The following SLC24A2 variants were observed in gnomAD, a reference collection of about 807,000 sequenced individuals.
SLC24A2 encodes solute carrier family 24 member 2, also known as sodium/potassium/calcium exchanger 2.
In SLC24A2, 36 loss-of-function variants were observed where a neutral mutation model predicts 62.0. The ratio of observed to expected loss-of-function variants is 0.58; its 90% CI spans 0.44 to 0.77. The LOEUF is 0.77. SLC24A2 is among the 30% of genes least tolerant of loss of function. The pLI is 0.00. For missense variants in SLC24A2, 846 were observed against 817.9 expected, an observed-to-expected ratio of 1.03 and a Z score of -0.42; for synonymous variants, 358 against 294.0, an observed-to-expected ratio of 1.22 and a Z score of -2.23.
the SLC24A2 span, among the ~76,000 whole-genome samples, chr9:19,850,513 C>T: frequency 2.1e-4 from 32 of 152,108 alleles, 1 homozygote; most frequent in South Asian, 4.8e-3. Flanking sequence ...TTAAAGTGTA[C>T]AATTCAATGA....
chr9:19,859,644 G>A, the SLC24A2 span, among the ~76,000 whole-genome samples: 1 of 152,184 alleles, frequency 6.6e-6, no homozygotes, highest in Non-Finnish European at 1.5e-5. Context: ...AATCAGGTGA[G>A]CACTCACAAT....
At chr9:19,728,562 T>TA (rs1463604903) in intron 2 of SLC24A2, among the ~76,000 whole-genome samples, 2 of 152,174 alleles carry the variant, frequency 1.3e-5, no homozygotes, top group Non-Finnish European at 2.9e-5. Flanking sequence ...GTCACACCTG[T>TA]AGTGATTATA....
chr9:19,875,415 G>A, the SLC24A2 span, among the ~76,000 whole-genome samples: 3 of 152,202 alleles, frequency 2.0e-5, no homozygotes, highest in African/African-American at 7.2e-5. Context: ...GGTTGGCAGA[G>A]TCTCTAACTG....
intron 7 of SLC24A2, among the ~76,000 whole-genome samples, chr9:19,572,299 T>A (rs1442999749): frequency 2.7e-5 from 4 of 147,080 alleles, no homozygotes; most frequent in Non-Finnish European, 6.0e-5. Flanking sequence ...TACTAATGCC[T>A]ACACCTTCAG....
chr9:20,071,096 C>G, the SLC24A2 span, among the ~76,000 whole-genome samples: 1 of 152,206 alleles, frequency 6.6e-6, no homozygotes, highest in Admixed American at 6.5e-5. Flanking sequence ...ATCTCACTCC[C>G]TCCTTGCCTT....
the SLC24A2 span, among the ~76,000 whole-genome samples, chr9:20,267,098 A>C: frequency 6.6e-6 from 1 of 152,150 alleles, no homozygotes; most frequent in South Asian, 2.1e-4. Flanking sequence ...CTGACAAAAC[A>C]AAAATTATCA....
intron 2 of SLC24A2, among the ~76,000 whole-genome samples, chr9:19,711,133 T>A (rs1308238258): frequency 1.3e-5 from 2 of 152,212 alleles, no homozygotes; most frequent in African/African-American, 4.8e-5. Context: ...GCATTTCTAT[T>A]TGAGGGGTCT....
chr9:20,062,229 G>C, the SLC24A2 span, among the ~76,000 whole-genome samples: 1 of 151,986 alleles, frequency 6.6e-6, no homozygotes, highest in Non-Finnish European at 1.5e-5. Flanking sequence ...ACCTTCTCTC[G>C]AAACAATAAA....
chr9:19,875,808 C>A, the SLC24A2 span, among the ~76,000 whole-genome samples: 2 of 152,124 alleles, frequency 1.3e-5, no homozygotes, highest in South Asian at 4.1e-4. Flanking sequence ...GAATCTGGGG[C>A]TAGATCATGT....
Position 19,681,340 on chromosome 9 carries a change from T to C in SLC24A2, c.931-59041A>G, listed in dbSNP as rs561165579. The stretch of plus-strand genomic sequence containing the variant: ...GGAAGGCTTTCTCCGGTCCACCTTA[T>C]TTAAAATTGCAACCTCTCTGCACCG... On this transcript the variant is annotated intron_variant, in intron 2 of 10. Coordinates refer to ENST00000341998, the MANE Select transcript of SLC24A2 (RefSeq NM_020344.4). 3.3e-5 allele frequency among the ~76,000 whole-genome samples: 5 copies of C among 152,318 alleles called. No homozygotes were observed. The East Asian group carries it at 9.7e-4, about 29-fold the overall frequency.
At chr9:20,198,193 A>T in the SLC24A2 span, among the ~76,000 whole-genome samples, 1 of 152,192 alleles carries the variant, frequency 6.6e-6, no homozygotes. Flanking sequence ...AATTTGGGGA[A>T]AGGATGAGTT....
chr9:19,956,147 G>A, the SLC24A2 span, among the ~76,000 whole-genome samples: 6 of 152,228 alleles, frequency 3.9e-5, no homozygotes, highest in Admixed American at 1.3e-4. Context: ...TACGCTCTAC[G>A]TTTAGCTTTT....
chr9:20,062,383 C>A, the SLC24A2 span, among the ~76,000 whole-genome samples: 5 of 103,666 alleles, frequency 4.8e-5, no homozygotes, highest in African/African-American at 1.4e-4. Context: ...GAAAAACAAG[C>A]AATGGGGAAA....
chr9:19,722,222 G>A (rs557336926), intron 2 of SLC24A2, among the ~76,000 whole-genome samples: 1 of 152,204 alleles, frequency 6.6e-6, no homozygotes, highest in East Asian at 1.9e-4. Flanking sequence ...CTGGATTTCA[G>A]AATGCTGAAA....
chr9:19,992,512 G>C, the SLC24A2 span, among the ~76,000 whole-genome samples: 1 of 152,114 alleles, frequency 6.6e-6, no homozygotes, highest in Non-Finnish European at 1.5e-5. Context: ...ATTCAAATTG[G>C]CTAGTCTTTG....
At chr9:19,586,724 G>A (rs1487457942) in intron 5 of SLC24A2, among the ~76,000 whole-genome samples, 6 of 152,100 alleles carry the variant, frequency 3.9e-5, no homozygotes, top group East Asian at 3.8e-4. Flanking sequence ...GATCGTGGCC[G>A]TTTCTGACAG....
At chr9:19,844,305 G>A in the SLC24A2 span, among the ~76,000 whole-genome samples, 2 of 152,112 alleles carry the variant, frequency 1.3e-5, no homozygotes, top group Non-Finnish European at 2.9e-5. Flanking sequence ...TTTGTTGGCT[G>A]CTTGGATGTC....
intron 1 of SLC24A2, chr9:19,788,428 A>G: frequency 7.3e-6 from 6 of 826,312 alleles, no homozygotes; most frequent in Non-Finnish European, 8.8e-6. Flanking sequence ...CTGCCTCCGT[A>G]GGAGAATGTT....
At chr9:19,959,456 T>C in the SLC24A2 span, among the ~76,000 whole-genome samples, 1 of 152,202 alleles carries the variant, frequency 6.6e-6, no homozygotes, top group Non-Finnish European at 1.5e-5. Context: ...CACGGTGATT[T>C]ATCACTTTAC....
Sources: gnomAD v4.1 joint callset for allele counts (sites outside exome capture counted in the v4.1 genomes callset) on GRCh38, gnomAD v4.1.1 for gene constraint, MANE v1.5 for transcripts, NCBI Gene and HGNC (gene_info 2026-07-23, HGNC 2026-07-21) for gene names.